Variants in GTF2I observed in about 807,000 individuals in gnomAD.
The protein encoded by GTF2I is general transcription factor IIi.
Under a neutral mutation model 67.6 loss-of-function variants are expected in GTF2I, and 12 were observed. The observed-to-expected ratio is 0.18, with a 90% CI of 0.11 to 0.29. GTF2I has a LOEUF of 0.29. Among genes scored for constraint, GTF2I ranks in the 10% least tolerant of loss-of-function variants. The probability of loss-of-function intolerance (pLI) is 1.00; values close to 1 mark genes in which losing one functional copy is unlikely to be tolerated. For missense variants in GTF2I, 271 were observed against 580.1 expected, an observed-to-expected ratio of 0.47 and a Z score of 5.47; for synonymous variants, 149 against 197.0, an observed-to-expected ratio of 0.76 and a Z score of 2.04.
At chr7:74,672,800 C>CT (rs1554391098) in intron 1 of GTF2I, among the ~76,000 whole-genome samples, 1 of 152,124 alleles carries the variant, frequency 6.6e-6, no homozygotes, top group East Asian at 1.9e-4. Context: ...GGAGATTGGA[C>CT]TAGAATACTG....
At chr7:74,700,514 A>G (rs1789583346) in intron 5 of GTF2I, 84 bp downstream of exon 5, 3 of 1,596,642 alleles carry the variant, frequency 1.9e-6, no homozygotes, top group South Asian at 2.2e-5. Flanking sequence ...TATTTTTAAA[A>G]TTCATATTTA....
rs587697551 is a variant in GTF2I at position 74,712,869 on chromosome 7, G to A, written c.763+1760G>A. 7.3e-4 allele frequency among the ~76,000 whole-genome samples: 110 copies of A among 151,690 alleles called. 1 individual carries two copies. In the South Asian group the frequency reaches 0.021, roughly 29 times the overall value. ...TGATTATAATACAGTTCGTTTTTTCGTTCTTCTACATAAAGACATTGATGT... is the reference window on the plus strand; with the variant it reads ...TGATTATAATACAGTTCGTTTTTTCATTCTTCTACATAAAGACATTGATGT... On this transcript the variant is annotated intron_variant, in intron 9 of 34. Transcript: ENST00000573035.
At chr7:74,671,702 C>A (rs1350456950) in intron 1 of GTF2I, among the ~76,000 whole-genome samples, 1 of 152,122 alleles carries the variant, frequency 6.6e-6, no homozygotes, top group African/African-American at 2.4e-5. Context: ...TCACAGCCGG[C>A]TGGCCATGGT....
chr7:74,691,528 A>G (rs184599488), intron 3 of GTF2I, among the ~76,000 whole-genome samples: 189 of 152,180 alleles, frequency 1.2e-3, no homozygotes, highest in Non-Finnish European at 2.1e-3. Context: ...TTCTTCTAAA[A>G]CAGAATGAGG....
rs200857565 is a variant in GTF2I, at chr7:74,710,992, G to C, written c.686-40G>C. 297 of 987,556 alleles carry C rather than the reference G, an allele frequency of 3.0e-4. No individual in the cohort carries two copies. In the African/African-American group the frequency reaches 3.9e-3, roughly 13 times the overall value. 61.2% of individuals were successfully genotyped at this position (987,556 alleles called of 1,614,324 possible). ...ATTTCCCTACACAATCTAGCTGAAA[G>C]TTCTCACATGCAATCATATCATTGC... On this transcript the variant is annotated intron_variant, in intron 8 of 34. Transcript: ENST00000573035.
chr7:74,662,511 CTT>C (rs1161320476), intron 1 of GTF2I, among the ~76,000 whole-genome samples: 264 of 50,144 alleles, frequency 5.3e-3, no homozygotes, highest in African/African-American at 0.02. Context: ...CACCTGGACC[CTT>C]TTTTTTTTTT....
intron 15 of GTF2I, among the ~76,000 whole-genome samples, 195 bp downstream of exon 15, chr7:74,732,857 T>G (rs1466497608): frequency 1.3e-5 from 2 of 150,036 alleles, no homozygotes; most frequent in Non-Finnish European, 3.0e-5. Flanking sequence ...ATTCGAAGCA[T>G]GAACAGTGCC....
chr7:74,688,912 T>C, intron 1 of GTF2I: 1 of 482,430 alleles, frequency 2.1e-6, no homozygotes, highest in Non-Finnish European at 3.7e-6. Flanking sequence ...GACCCAATTT[T>C]CTGGAAATAA....
At chr7:74,663,219 C>T (rs782031831) in intron 1 of GTF2I, among the ~76,000 whole-genome samples, 92 of 152,202 alleles carry the variant, frequency 6.0e-4, no homozygotes, top group Middle Eastern at 3.4e-3. Flanking sequence ...ATAATTAACA[C>T]GAAATTGTTT....
At chr7:74,704,854 C>CA (rs1790392103) in intron 6 of GTF2I, among the ~76,000 whole-genome samples, 1 of 21,280 alleles carries the variant, frequency 4.7e-5, no homozygotes, top group Non-Finnish European at 7.7e-5. Context: ...AACCCTGTTT[C>CA]TAAAAAAAAA....
chr7:74,676,379 A>C (rs1805910599), intron 1 of GTF2I, among the ~76,000 whole-genome samples: 1 of 152,190 alleles, frequency 6.6e-6, no homozygotes, highest in South Asian at 2.1e-4. Context: ...GCTAATTGGG[A>C]GACTGAGGTA....
At chr7:74,659,777 TG>T (rs1804304768) in intron 1 of GTF2I, among the ~76,000 whole-genome samples, 1 of 152,132 alleles carries the variant, frequency 6.6e-6, no homozygotes. Flanking sequence ...TCCTGGACTC[TG>T]GTGATCCTCC....
At chr7:74,659,767 T>C (rs1337017662) in intron 1 of GTF2I, among the ~76,000 whole-genome samples, 1 of 152,136 alleles carries the variant, frequency 6.6e-6, no homozygotes, top group Non-Finnish European at 1.5e-5. Flanking sequence ...GGTCGGGAAC[T>C]CCTGGACTCT....
At chr7:74,732,949 T>C (rs1326130863) in intron 15 of GTF2I, among the ~76,000 whole-genome samples, 1 of 151,410 alleles carries the variant, frequency 6.6e-6, no homozygotes, top group Non-Finnish European at 1.5e-5. Flanking sequence ...CCACGCCTTG[T>C]TTTTAGGCCT....
At chr7:74,694,806 C>A (rs928287126) in intron 3 of GTF2I, among the ~76,000 whole-genome samples, 1 of 152,184 alleles carries the variant, frequency 6.6e-6, no homozygotes, top group African/African-American at 2.4e-5. Context: ...TCATTCCTGG[C>A]TTCAAAGCTT....
At chr7:74,715,616 C>T (rs587657867) in intron 10 of GTF2I, among the ~76,000 whole-genome samples, 76 of 151,958 alleles carry the variant, frequency 5.0e-4, no homozygotes, top group African/African-American at 1.7e-3. Context: ...TTGACTTTTA[C>T]AGTCAAATAA....
Position 74,674,631 on chromosome 7 carries a change from C to T in GTF2I, c.-5-14493C>T, listed in dbSNP as rs143348646. On this transcript the variant is annotated intron_variant, in intron 1 of 34. Transcript: ENST00000573035. Reference sequence around the variant, plus strand: ...TCAGCTCACTGTAACCTCTGCCTCCCGGTTTCAAGCAATTCTCCTGCCTCA... The same window carrying T: ...TCAGCTCACTGTAACCTCTGCCTCCTGGTTTCAAGCAATTCTCCTGCCTCA... 1.9e-4 allele frequency among the ~76,000 whole-genome samples: 29 copies of T among 152,016 alleles called. No individual in the cohort carries two copies. In the East Asian group the frequency reaches 5.4e-3, roughly 28 times the overall value.
intron 1 of GTF2I, among the ~76,000 whole-genome samples, chr7:74,676,965 A>C (rs1009854308): frequency 6.6e-6 from 1 of 152,138 alleles, no homozygotes; most frequent in African/African-American, 2.4e-5. Flanking sequence ...AGATCCAGCC[A>C]GGAGAATTGC....
At chr7:74,712,732 C>T (rs886582029) in intron 9 of GTF2I, among the ~76,000 whole-genome samples, 5 of 144,510 alleles carry the variant, frequency 3.5e-5, no homozygotes, top group South Asian at 2.2e-4. Flanking sequence ...GGTGAGATCT[C>T]GGCTCATTGC....
Sources: allele counts gnomAD v4.1 joint callset (sites outside exome capture counted in the v4.1 genomes callset), GRCh38; gene constraint gnomAD v4.1.1; transcripts MANE v1.5; gene names NCBI Gene and HGNC (gene_info 2026-07-23, HGNC 2026-07-21).